Variants in KLHL7 observed in about 807,000 individuals in gnomAD.
KLHL7 encodes the protein kelch like family member 7, also known as kelch-like protein 7.
KLHL7 carries 44 observed loss-of-function variants against 67.4 expected under a neutral mutation model. The observed-to-expected ratio is 0.65, with a 90% CI of 0.51 to 0.84. KLHL7 has a LOEUF of 0.84. KLHL7 is among the 40% of genes least tolerant of loss of function. The pLI is 0.00. For missense variants in KLHL7, 362 were observed against 718.1 expected, an observed-to-expected ratio of 0.50 and a Z score of 5.67; for synonymous variants, 252 against 243.3, an observed-to-expected ratio of 1.04 and a Z score of -0.33.
chr7:23,159,802 T>A (rs901038083), intron 7 of KLHL7, among the ~76,000 whole-genome samples: 4 of 152,228 alleles, frequency 2.6e-5, no homozygotes, highest in African/African-American at 9.6e-5. Context: ...AGTGCTAGGA[T>A]TACAGCCTTG....
chr7:23,106,259 C>T (rs1279775577), intron 1 of KLHL7, 113 bp downstream of exon 1: 29 of 1,536,922 alleles, frequency 1.9e-5, no homozygotes, highest in African/African-American at 2.8e-5. Flanking sequence ...TTTCTCTGTC[C>T]TCGCCCCTCC....
At chr7:23,115,941 C>T (rs529314816) in intron 1 of KLHL7, among the ~76,000 whole-genome samples, 1 of 152,232 alleles carries the variant, frequency 6.6e-6, no homozygotes, top group East Asian at 1.9e-4. Context: ...CCCTATTATC[C>T]ATCCTGCACA....
intron 1 of KLHL7, among the ~76,000 whole-genome samples, chr7:23,121,340 A>G (rs1433760015): frequency 6.6e-6 from 1 of 152,064 alleles, no homozygotes; most frequent in Non-Finnish European, 1.5e-5. Flanking sequence ...TCACTGGAGT[A>G]CAGTGATGCA....
chr7:23,162,969 A>G (rs1784892255), intron 7 of KLHL7, among the ~76,000 whole-genome samples: 1 of 152,192 alleles, frequency 6.6e-6, no homozygotes, highest in South Asian at 2.1e-4. Flanking sequence ...GTTCTCAGGT[A>G]TTAAAAATGA....
At chr7:23,138,968 C>A (rs1475842543) in intron 4 of KLHL7, among the ~76,000 whole-genome samples, 1 of 151,890 alleles carries the variant, frequency 6.6e-6, no homozygotes, top group Admixed American at 6.6e-5. Context: ...CCAGCTCATT[C>A]TCCTGGGGTA....
intron 1 of KLHL7, among the ~76,000 whole-genome samples, chr7:23,113,834 C>A (rs991631560): frequency 1.7e-4 from 26 of 152,034 alleles, no homozygotes; most frequent in South Asian, 1.5e-3. Flanking sequence ...CTCAAAAAAA[C>A]CCCCCGAATA....
rs1562582319 is a variant in KLHL7, at chr7:23,152,946, T to C, written c.936+737T>C. On this transcript the variant is annotated intron_variant, in intron 7 of 10. Transcript: ENST00000339077. Reference sequence around the variant, plus strand: ...AGGATAACACCCCAAACTTGCAAGGTGATATCCATAAGTGGTGCTGAATCC... The same window carrying C: ...AGGATAACACCCCAAACTTGCAAGGCGATATCCATAAGTGGTGCTGAATCC... Among the ~76,000 whole-genome samples the C allele has an allele frequency of 2.6e-5, 4 of 152,194 alleles. No individual in the cohort carries two copies. In the South Asian group the frequency reaches 8.3e-4, roughly 31 times the overall value.
chr7:23,171,226 C>CG, intron 9 of KLHL7: 1 of 300,374 alleles, frequency 3.3e-6, no homozygotes, highest in Non-Finnish European at 6.8e-6. Context: ...TTGCAGATAG[C>CG]GGGGACCTAG....
chr7:23,140,906 C>G lies in KLHL7; in HGVS notation c.580C>G (p.Leu194Val). 4 of 1,614,054 alleles carry G rather than the reference C, an allele frequency of 2.5e-6. No homozygotes were observed. The highest frequency in any genetic ancestry group is 3.4e-6 in the Non-Finnish European group (4 of 1,180,000). The change falls in exon 5 of 11, where the codon CTC becomes GTC. Residue 194 changes from leucine (L) to valine (V), a missense_variant. This residue lies in a region of KLHL7 where 155 missense variants were observed against 280.8 expected (regional missense o/e 0.55). Transcript: ENST00000339077. Reference protein sequence around the residue: ...QLDVKRVTHLLNQDTLTVRAE... With the variant: ...QLDVKRVTHLVNQDTLTVRAE... ...TGATGTCAAGCGAGTAACACATCTT[C>G]TCAACCAGGACACTCTGACTGTGAG...
intron 4 of KLHL7, chr7:23,126,172 G>T: frequency 2.6e-6 from 1 of 383,022 alleles, no homozygotes; most frequent in African/African-American, 2.1e-5. Flanking sequence ...TAAGTGACAG[G>T]CAGGTAGGTT....
At chr7:23,121,357 A>G (rs998670944) in intron 1 of KLHL7, among the ~76,000 whole-genome samples, 2 of 151,794 alleles carry the variant, frequency 1.3e-5, no homozygotes, top group Non-Finnish European at 2.9e-5. Context: ...TGCAATCACA[A>G]CTCACTGCAA....
intron 6 of KLHL7, among the ~76,000 whole-genome samples, chr7:23,146,702 A>G: frequency 6.6e-6 from 1 of 150,644 alleles, no homozygotes; most frequent in Non-Finnish European, 1.5e-5. Flanking sequence ...TCTTACTGAA[A>G]TCTATTGGGT....
Position 23,163,783 on chromosome 7 carries a change from T to C in KLHL7, c.937-1915T>C, listed in dbSNP as rs888698138. Among the ~76,000 whole-genome samples the C allele has an allele frequency of 1.1e-4, 17 of 152,226 alleles. 1 individual carries two copies. The highest frequency in any genetic ancestry group is 9.8e-4 in the Admixed American group (15 of 15,280). On this transcript the variant is annotated intron_variant, in intron 7 of 10. Coordinates refer to ENST00000339077, the MANE Select transcript of KLHL7 (RefSeq NM_001031710.3). ...TATATCAAAATTTAAGAAATCCTTC[T>C]ACCCATATCTTTTCCAGGCTTTCCA...
chr7:23,108,539 C>G (rs1448249256), intron 1 of KLHL7, among the ~76,000 whole-genome samples: 2 of 152,158 alleles, frequency 1.3e-5, no homozygotes, highest in African/African-American at 2.4e-5. Context: ...CAGAGGTCCC[C>G]CCTTATGCCC....
chr7:23,113,411 A>G (rs997315511), intron 1 of KLHL7, among the ~76,000 whole-genome samples: 1 of 152,228 alleles, frequency 6.6e-6, no homozygotes, highest in African/African-American at 2.4e-5. Flanking sequence ...ACATTTTTCT[A>G]TCACTTGGTG....
chr7:23,149,684 A>G (rs1399887854), intron 6 of KLHL7, among the ~76,000 whole-genome samples: 3 of 152,364 alleles, frequency 2.0e-5, no homozygotes, highest in South Asian at 2.1e-4. Context: ...GTGATTTTTT[A>G]CAATTGTAAA....
intron 1 of KLHL7, among the ~76,000 whole-genome samples, chr7:23,122,050 A>G (rs898388606): frequency 6.6e-6 from 1 of 152,164 alleles, no homozygotes; most frequent in Non-Finnish European, 1.5e-5. Context: ...TTTGGATACA[A>G]AAGACTCTTC....
At chr7:23,145,298 C>T (rs577587990) in intron 6 of KLHL7, among the ~76,000 whole-genome samples, 1 of 151,240 alleles carries the variant, frequency 6.6e-6, no homozygotes, top group African/African-American at 2.4e-5. Flanking sequence ...TTTTTTCAAC[C>T]CTTTTATTTC....
chr7:23,134,720 T>C (rs574173030), intron 4 of KLHL7, among the ~76,000 whole-genome samples: 1 of 152,294 alleles, frequency 6.6e-6, no homozygotes, highest in East Asian at 1.9e-4. Flanking sequence ...TTCTAAATTT[T>C]CCAATTTATA....
Sources: allele counts gnomAD v4.1 joint callset (sites outside exome capture counted in the v4.1 genomes callset), GRCh38; gene constraint gnomAD v4.1.1; regional missense constraint gnomAD v4.1.1; transcripts MANE v1.5; gene names NCBI Gene and HGNC (gene_info 2026-07-23, HGNC 2026-07-21).